The following TEK variants were observed in gnomAD, a reference collection of about 807,000 sequenced individuals.
The protein encoded by TEK is TEK receptor tyrosine kinase.
In TEK, 43 loss-of-function variants were observed where a neutral mutation model predicts 131.8. That is an observed-to-expected ratio of 0.33 (90% CI 0.26 to 0.42). The LOEUF (loss-of-function observed/expected upper bound fraction) is 0.42, where lower values mean the gene tolerates loss of function less well. TEK is among the 10% of genes least tolerant of loss of function. The pLI is 1.00. For missense variants in TEK, 1,162 were observed against 1,384.4 expected, an observed-to-expected ratio of 0.84 and a Z score of 2.55; for synonymous variants, 580 against 491.6, an observed-to-expected ratio of 1.18 and a Z score of -2.38.
intron 2 of TEK, among the ~76,000 whole-genome samples, chr9:27,159,051 C>T (rs146170811): frequency 2.6e-5 from 4 of 152,276 alleles, no homozygotes; most frequent in African/African-American, 9.6e-5. Flanking sequence ...GCTTGTGAGT[C>T]TAAGTCAGCT....
intron 1 of TEK, among the ~76,000 whole-genome samples, chr9:27,120,866 A>G (rs2131040470): frequency 6.6e-6 from 1 of 152,376 alleles, no homozygotes; most frequent in Non-Finnish European, 1.5e-5. Flanking sequence ...GGTTTCAGAT[A>G]CAGGCACCTT....
intron 6 of TEK, 113 bp downstream of exon 6, chr9:27,173,475 A>C: frequency 1.5e-6 from 2 of 1,291,254 alleles, no homozygotes; most frequent in South Asian, 2.4e-5. Flanking sequence ...GCTACCCACT[A>C]CTGGACAACA....
chr9:27,138,540 CA>C (rs1405237830), intron 1 of TEK, among the ~76,000 whole-genome samples: 3 of 152,200 alleles, frequency 2.0e-5, no homozygotes. Context: ...TCCAAGTCCC[CA>C]CTTGACCCAG....
At chr9:27,174,964 GTTT>G (rs142396728) in intron 6 of TEK, among the ~76,000 whole-genome samples, 2 of 149,952 alleles carry the variant, frequency 1.3e-5, no homozygotes, top group Admixed American at 6.6e-5. Context: ...AGGTTTTTTT[GTTT>G]TTTTTTTAAT....
At chr9:27,170,467 A>T (rs1823911731) in intron 4 of TEK, among the ~76,000 whole-genome samples, 1 of 152,176 alleles carries the variant, frequency 6.6e-6, no homozygotes, top group Non-Finnish European at 1.5e-5. Context: ...TCTACAAAAA[A>T]TACAAAAATT....
At chr9:27,192,443 G>C in intron 10 of TEK, 46 bp from the exon 11 acceptor site, 1 of 1,611,976 alleles carries the variant, frequency 6.2e-7, no homozygotes. Context: ...CTTAAGGAAT[G>C]TAAGAGAATG....
intron 1 of TEK, among the ~76,000 whole-genome samples, chr9:27,120,440 C>T (rs947557067): frequency 6.6e-6 from 1 of 152,208 alleles, no homozygotes; most frequent in Non-Finnish European, 1.5e-5. Context: ...TAGCCTGAGG[C>T]GAAAACATGG....
intron 1 of TEK, among the ~76,000 whole-genome samples, chr9:27,123,089 G>T (rs967080946): frequency 5.6e-5 from 7 of 126,082 alleles, no homozygotes; most frequent in African/African-American, 2.1e-4. Flanking sequence ...CTGGAGGAAA[G>T]AGCAGGCTAG....
At chr9:27,222,085 A>G (rs561708) in intron 21 of TEK, among the ~76,000 whole-genome samples, 1 of 152,062 alleles carries the variant, frequency 6.6e-6, no homozygotes, top group African/African-American at 2.4e-5. Flanking sequence ...GAATACTTCT[A>G]GAAGCATACA....
Position 27,180,367 on chromosome 9 carries a change from A to G in TEK, c.1029A>G (p.Glu343=). Residue 343 remains glutamate (E), a splice_region_variant and synonymous_variant, in exon 7 of 23, where the codon GAA becomes GAG. Coordinates refer to ENST00000380036, the MANE Select transcript of TEK (RefSeq NM_000459.5). ...GGCAGGGGCTCCAGTGTGAGAGAGA[A>G]GGTAAAGCAAGGTAACACTGTAGTC... is the stretch of plus-strand genomic sequence containing the variant. The part of the protein sequence containing the change: ...PGWQGLQCER[E]GIQRMTPKIV... 1 of 1,612,314 alleles carries G rather than the reference A, an allele frequency of 6.2e-7. No individual in the cohort carries two copies. Among genetic ancestry groups the G allele is most frequent in the Non-Finnish European group, 8.5e-7 (1 of 1,179,114 alleles).
chr9:27,205,117 G>C (rs1461510854), intron 14 of TEK, 52 bp downstream of exon 14: 1 of 1,608,050 alleles, frequency 6.2e-7, no homozygotes, highest in Admixed American at 1.7e-5. Flanking sequence ...AGTACAGGCA[G>C]AACCTTCACT....
At chr9:27,140,614 A>G (rs866101906) in intron 1 of TEK, among the ~76,000 whole-genome samples, 24 of 152,128 alleles carry the variant, frequency 1.6e-4, no homozygotes, top group African/African-American at 4.3e-4. Context: ...AATTATAAAG[A>G]CATATATCTT....
chr9:27,173,461 C>G, intron 6 of TEK, 99 bp downstream of exon 6: 1 of 1,442,232 alleles, frequency 6.9e-7, no homozygotes, highest in Admixed American at 1.7e-5. Context: ...ACCTGGACTG[C>G]TTAGCTACCC....
At chr9:27,206,379 G>A (rs1825400480) in intron 14 of TEK, among the ~76,000 whole-genome samples, 1 of 152,210 alleles carries the variant, frequency 6.6e-6, no homozygotes, top group Non-Finnish European at 1.5e-5. Context: ...TTCTGGGGAG[G>A]CCCAGAATTG....
intron 1 of TEK, among the ~76,000 whole-genome samples, chr9:27,126,866 C>T (rs763544161): frequency 6.6e-6 from 1 of 152,094 alleles, no homozygotes; most frequent in South Asian, 2.1e-4. Context: ...CTGGATTCCC[C>T]GAAGCAGGCC....
At chr9:27,139,902 A>G (rs879675533) in intron 1 of TEK, among the ~76,000 whole-genome samples, 1 of 152,098 alleles carries the variant, frequency 6.6e-6, no homozygotes, top group Admixed American at 6.6e-5. Context: ...ATTGTGTATG[A>G]TTTGGTAAAT....
chr9:27,218,627 AC>A (rs1439536248), intron 19 of TEK, 149 bp from the exon 20 acceptor site: 4 of 776,698 alleles, frequency 5.2e-6, no homozygotes, highest in Non-Finnish European at 9.1e-6. Context: ...GAGGAGAGAA[AC>A]CTACACTGTG....
Position 27,131,697 on chromosome 9 carries a change from G to C in TEK, c.52+22055G>C, listed in dbSNP as rs543299357. 3.3e-5 allele frequency among the ~76,000 whole-genome samples: 5 copies of C among 151,330 alleles called. No homozygotes were observed. In the South Asian group the frequency reaches 1.0e-3, roughly 32 times the overall value. On this transcript the variant is annotated intron_variant, in intron 1 of 22. Transcript: ENST00000380036. The stretch of plus-strand genomic sequence containing the variant: ...GTGGTGGTATATGCCTGTAGTCCCA[G>C]CTACTCAGGAGGCTGAGGCAGGTCT...
intron 2 of TEK, among the ~76,000 whole-genome samples, chr9:27,160,676 A>G (rs1161011944): frequency 1.3e-5 from 2 of 152,206 alleles, no homozygotes; most frequent in African/African-American, 4.8e-5. Flanking sequence ...GAAGGCAGCA[A>G]ACTCATTTTA....
Sources: gnomAD v4.1 joint callset for allele counts (sites outside exome capture counted in the v4.1 genomes callset) on GRCh38, gnomAD v4.1.1 for gene constraint, MANE v1.5 for transcripts, NCBI Gene and HGNC (gene_info 2026-07-23, HGNC 2026-07-21) for gene names.